The following RNF150 variants were observed in gnomAD, a reference collection of about 807,000 sequenced individuals.
RNF150 encodes the protein ring finger protein 150.
RNF150 carries 24 observed loss-of-function variants against 39.3 expected under a neutral mutation model. The observed-to-expected ratio is 0.61, with a 90% CI of 0.44 to 0.86. The LOEUF (loss-of-function observed/expected upper bound fraction) is 0.86, where lower values mean the gene tolerates loss of function less well. Ranked by LOEUF, RNF150 falls within the 40% of genes least tolerant of loss-of-function variation. The pLI is 0.00. For missense variants in RNF150, 502 were observed against 587.8 expected (o/e 0.85, Z 1.51); for synonymous variants, 255 against 227.3 (o/e 1.12, Z -1.10).
chr4:140,978,540 G>T (rs114649180), intron 1 of RNF150, among the ~76,000 whole-genome samples: 167 of 152,166 alleles, frequency 1.1e-3, no homozygotes, highest in African/African-American at 3.9e-3. Context: ...GGTAACTGTA[G>T]GGTGAGTGAT....
At chr4:141,072,769 A>G (rs959255362) in intron 1 of RNF150, among the ~76,000 whole-genome samples, 2 of 152,172 alleles carry the variant, frequency 1.3e-5, no homozygotes, top group East Asian at 1.9e-4. Flanking sequence ...TACTTGATGC[A>G]CCACTATAAT....
At chr4:141,023,393 G>A (rs1735569138) in intron 1 of RNF150, among the ~76,000 whole-genome samples, 1 of 150,364 alleles carries the variant, frequency 6.7e-6, no homozygotes, top group Non-Finnish European at 1.5e-5. Flanking sequence ...CTACAGGCGT[G>A]CACCACCACA....
At chr4:141,041,469 C>T (rs1736369919) in intron 1 of RNF150, among the ~76,000 whole-genome samples, 1 of 152,102 alleles carries the variant, frequency 6.6e-6, no homozygotes, top group Non-Finnish European at 1.5e-5. Context: ...CAGAAATCAT[C>T]TCCTTACTTA....
intron 1 of RNF150, among the ~76,000 whole-genome samples, chr4:141,024,482 AT>A (rs1412214240): frequency 6.6e-6 from 1 of 152,220 alleles, no homozygotes; most frequent in Non-Finnish European, 1.5e-5. Context: ...TCAGGGGGAT[AT>A]ACCTTCATCC....
intron 2 of RNF150, among the ~76,000 whole-genome samples, chr4:140,965,294 T>G (rs1733194424): frequency 1.3e-5 from 2 of 152,022 alleles, no homozygotes; most frequent in Admixed American, 1.3e-4. Context: ...TTGGTGGGAA[T>G]GTAGATGGGC....
chr4:140,898,440 T>G (rs137867586), intron 6 of RNF150, among the ~76,000 whole-genome samples: 17 of 152,344 alleles, frequency 1.1e-4, no homozygotes, highest in Admixed American at 2.0e-4. Flanking sequence ...GTAACATGTA[T>G]GTATGCGTGC....
chr4:141,148,189 T>C (rs1375733279), intron 1 of RNF150, among the ~76,000 whole-genome samples: 1 of 152,192 alleles, frequency 6.6e-6, no homozygotes, highest in Admixed American at 6.5e-5. Context: ...GATGTATTTT[T>C]TGAAAATCTT....
At chr4:140,964,783 A>G (rs1223054026) in intron 2 of RNF150, among the ~76,000 whole-genome samples, 1 of 152,094 alleles carries the variant, frequency 6.6e-6, no homozygotes, top group Non-Finnish European at 1.5e-5. Flanking sequence ...AGCAATAAAG[A>G]AAACAGCATG....
intron 1 of RNF150, among the ~76,000 whole-genome samples, chr4:141,079,422 A>G (rs919462714): frequency 6.6e-6 from 1 of 152,156 alleles, no homozygotes; most frequent in African/African-American, 2.4e-5. Flanking sequence ...ATAGTGATCA[A>G]TTGGTAGAGT....
intron 1 of RNF150, among the ~76,000 whole-genome samples, chr4:141,181,711 T>A (rs1457530122): frequency 2.6e-5 from 4 of 152,230 alleles, no homozygotes; most frequent in Admixed American, 1.3e-4. Context: ...AAACAGAGTT[T>A]AGTGTTCAAA....
chr4:140,946,237 A>T (rs1025824686), intron 4 of RNF150, among the ~76,000 whole-genome samples: 2 of 152,218 alleles, frequency 1.3e-5, no homozygotes, highest in Non-Finnish European at 2.9e-5. Context: ...TTGCCTATGG[A>T]CATTTCAACC....
intron 1 of RNF150, among the ~76,000 whole-genome samples, chr4:141,172,368 C>CA (rs1475119603): frequency 1.3e-5 from 2 of 152,164 alleles, no homozygotes; most frequent in Non-Finnish European, 2.9e-5. Context: ...AACCCAAAGT[C>CA]AAAAGGCAGG....
exon 1 of RNF150, chr4:141,212,834 T>C (rs563151487): frequency 6.5e-6 from 1 of 152,682 alleles, no homozygotes; most frequent in African/African-American, 2.4e-5. Flanking sequence ...AAACAGGCAA[T>C]TATGGCTAAG....
intron 1 of RNF150, among the ~76,000 whole-genome samples, chr4:141,022,228 C>T (rs1364888): frequency 0.94 from 143,255 of 151,916 alleles, 67,771 homozygotes; most frequent in East Asian, 1. Flanking sequence ...ATTTTTTATT[C>T]TTTTTTCCTG....
At position 140,861,321 on chromosome 4, in the gene RNF150, T is replaced by C. The variant is rs540361681; in HGVS notation, c.*6940A>G. The C allele has an allele frequency of 4.3e-4, 66 of 152,294 alleles. No individual in the cohort carries two copies. The highest frequency in any genetic ancestry group is 1.6e-3 in the African/African-American group (65 of 41,570). 9.4% of individuals were successfully genotyped at this position (152,294 alleles called of 1,614,324 possible). A position where few individuals can be genotyped will look rare whatever the true frequency, so the allele number is the denominator to read the frequency against. ...ATCTTCTTTGCAAACAGAGCAACAT[T>C]ATCCTTCAACATTTTGCAGAAGTAA... On this transcript the variant is annotated 3_prime_UTR_variant, in exon 7 of 7. Transcript: ENST00000515673.
At chr4:141,000,001 AGAAG>A (rs1460404466) in intron 1 of RNF150, among the ~76,000 whole-genome samples, 2 of 30,324 alleles carry the variant, frequency 6.6e-5, no homozygotes, top group African/African-American at 2.4e-4. Context: ...GAAAAGAAGA[AGAAG>A]AAGAAGAAGA....
chr4:141,169,572 A>G (rs1727664863), intron 1 of RNF150, among the ~76,000 whole-genome samples: 1 of 152,242 alleles, frequency 6.6e-6, no homozygotes, highest in Admixed American at 6.5e-5. Context: ...AAAAGGTCCA[A>G]GAATCACAAT....
At chr4:141,026,583 C>G (rs759892188) in intron 1 of RNF150, among the ~76,000 whole-genome samples, 1 of 152,164 alleles carries the variant, frequency 6.6e-6, no homozygotes, top group African/African-American at 2.4e-5. Flanking sequence ...CTAGGATGAA[C>G]AAACTTAAAC....
intron 1 of RNF150, among the ~76,000 whole-genome samples, chr4:140,996,192 C>G (rs756651272): frequency 2.0e-5 from 3 of 152,098 alleles, no homozygotes; most frequent in Non-Finnish European, 4.4e-5. Flanking sequence ...GATGATATCT[C>G]ATAGTAGTTT....
Sources: gnomAD v4.1 joint callset for allele counts (sites outside exome capture counted in the v4.1 genomes callset) on GRCh38, gnomAD v4.1.1 for gene constraint, MANE v1.5 for transcripts, NCBI Gene and HGNC (gene_info 2026-07-23, HGNC 2026-07-21) for gene names.